The following PRSS55 variants were observed in gnomAD, a reference collection of about 807,000 sequenced individuals.
The protein encoded by PRSS55 is probable serine protease UNQ9391/PRO34284.
A neutral mutation model predicts 23.6 loss-of-function variants in PRSS55; 41 were observed. The observed-to-expected ratio is 1.74, with a 90% CI of 1.35 to 2.26. The LOEUF (loss-of-function observed/expected upper bound fraction) is 2.26, where lower values mean the gene tolerates loss of function less well. Ranked by LOEUF, PRSS55 falls within the 30% of genes most tolerant of loss-of-function variation. The pLI is 0.00. For synonymous variants in PRSS55, 262 were observed against 175.5 expected, an observed-to-expected ratio of 1.49 and a Z score of -3.90; for missense variants, 669 against 439.1, an observed-to-expected ratio of 1.52 and a Z score of -4.68.
At chr8:10,547,029 T>C (rs1249137064) in intron 4 of PRSS55, among the ~76,000 whole-genome samples, 1 of 152,120 alleles carries the variant, frequency 6.6e-6, no homozygotes, top group East Asian at 1.9e-4. Flanking sequence ...CTGAGCCACA[T>C]CAGCCTCGCT....
chr8:10,537,727 T>C (rs1812505387), intron 4 of PRSS55, among the ~76,000 whole-genome samples: 1 of 152,194 alleles, frequency 6.6e-6, no homozygotes, highest in Admixed American at 6.5e-5. Context: ...AAAACTATTA[T>C]GTACCCATAA....
At chr8:10,530,241 A>C (rs1322285467) in intron 2 of PRSS55, among the ~76,000 whole-genome samples, 1 of 152,236 alleles carries the variant, frequency 6.6e-6, no homozygotes, top group Non-Finnish European at 1.5e-5. Flanking sequence ...AGGCTGAGGC[A>C]GGTGGATCAG....
downstream of PRSS55, among the ~76,000 whole-genome samples, chr8:10,542,849 G>C (rs147770894): frequency 0.014 from 1,893 of 139,918 alleles, 53 homozygotes; most frequent in African/African-American, 0.048. Context: ...CTCCAGCCTG[G>C]GTGACAAAAG....
intron 3 of PRSS55, 28 bp downstream of exon 3, chr8:10,531,573 GA>G: frequency 1.9e-6 from 3 of 1,609,422 alleles, no homozygotes. Flanking sequence ...TTCCCCTGGG[GA>G]AAAAGCCACT....
chr8:10,527,285 A>G (rs918765535), intron 1 of PRSS55, among the ~76,000 whole-genome samples: 15 of 152,312 alleles, frequency 9.8e-5, no homozygotes, highest in African/African-American at 3.1e-4. Flanking sequence ...TCAATTTGTC[A>G]TGATGATAGA....
intron 4 of PRSS55, among the ~76,000 whole-genome samples, chr8:10,546,833 G>C (rs1812830236): frequency 2.0e-5 from 3 of 151,922 alleles, no homozygotes; most frequent in Non-Finnish European, 2.9e-5. Context: ...ACACAGGAGT[G>C]TGCAATCACA....
chr8:10,541,619 A>G (rs13266727), downstream of PRSS55: 28,793 of 151,680 alleles, frequency 0.19, 2,924 homozygotes, highest in East Asian at 0.33. Context: ...TATATCATCT[A>G]TATCTCATCT....
At chr8:10,553,605 A>G (rs1233606342) in intron 4 of PRSS55, among the ~76,000 whole-genome samples, 1 of 152,240 alleles carries the variant, frequency 6.6e-6, no homozygotes, top group Non-Finnish European at 1.5e-5. Flanking sequence ...ATGTGAACTC[A>G]TAGAATCGCA....
At chr8:10,552,082 G>A (rs1169158836) in intron 4 of PRSS55, among the ~76,000 whole-genome samples, 2 of 152,200 alleles carry the variant, frequency 1.3e-5, no homozygotes, top group African/African-American at 2.4e-5. Flanking sequence ...CATGTGCTCT[G>A]TGCAAAGGGA....
intron 1 of PRSS55, among the ~76,000 whole-genome samples, chr8:10,528,512 T>C (rs1812118354): frequency 6.6e-6 from 1 of 152,218 alleles, no homozygotes; most frequent in Non-Finnish European, 1.5e-5. Context: ...GGCGAGGAGC[T>C]GGACCCGGCC....
chr8:10,544,830 C>G (rs4840490), intron 4 of PRSS55: 179,477 of 190,202 alleles, frequency 0.94, 85,605 homozygotes, highest in South Asian at 1. Context: ...TATTATTTTC[C>G]TATATTTACA....
chr8:10,545,020 G>A (rs976990174), intron 4 of PRSS55: 55 of 985,106 alleles, frequency 5.6e-5, no homozygotes, highest in Non-Finnish European at 6.3e-5. Flanking sequence ...CAACAAACAG[G>A]ACATGGTGGC....
At chr8:10,544,811 T>A (rs924244327) in intron 4 of PRSS55, among the ~76,000 whole-genome samples, 1 of 152,164 alleles carries the variant, frequency 6.6e-6, no homozygotes, top group African/African-American at 2.4e-5. Context: ...CTCCTCCTCT[T>A]TTTTTTGCTA....
chr8:10,536,535 A>T (rs774611032), intron 4 of PRSS55, among the ~76,000 whole-genome samples: 1 of 152,168 alleles, frequency 6.6e-6, no homozygotes, highest in Non-Finnish European at 1.5e-5. Context: ...AAGGAATATA[A>T]ATTATTCTAC....
In PRSS55 at chr8:10,530,770, GC is replaced by G. The variant is rs1339409586; in HGVS notation, c.348-524del. Among the ~76,000 whole-genome samples, 6 of 152,160 alleles carry G rather than the reference GC, an allele frequency of 3.9e-5. No individual in the cohort carries two copies. The South Asian group carries it at 1.2e-3, about 32-fold the overall frequency. On this transcript the variant is annotated intron_variant, in intron 2 of 4. Transcript: ENST00000328655. ...CATGGCATAACCACAGACCTTTGTG[GC>G]ACCCGCTGTCGTGGGATATCAAATA...
intron 4 of PRSS55, among the ~76,000 whole-genome samples, chr8:10,535,315 C>G (rs1812416904): frequency 6.6e-6 from 1 of 152,226 alleles, no homozygotes; most frequent in Non-Finnish European, 1.5e-5. Context: ...CAACTTCAAA[C>G]TATACTACAG....
intron 3 of PRSS55, 150 bp downstream of exon 3, chr8:10,531,695 G>T: frequency 8.5e-7 from 1 of 1,173,366 alleles, no homozygotes; most frequent in East Asian, 2.6e-5. Flanking sequence ...AGCTCCTTTT[G>T]GGTGCCGAAA....
chr8:10,552,624 A>G (rs1035771957), intron 4 of PRSS55, among the ~76,000 whole-genome samples: 1 of 152,262 alleles, frequency 6.6e-6, no homozygotes, highest in African/African-American at 2.4e-5. Context: ...GGACCCGAAT[A>G]GACATTTCTC....
At chr8:10,530,047 G>T (rs761803641) in intron 2 of PRSS55, among the ~76,000 whole-genome samples, 2 of 152,354 alleles carry the variant, frequency 1.3e-5, no homozygotes, top group African/African-American at 2.4e-5. Flanking sequence ...AATTCTGGAA[G>T]CCTGACTTCC....
Sources: allele counts gnomAD v4.1 joint callset (sites outside exome capture counted in the v4.1 genomes callset), GRCh38; gene constraint gnomAD v4.1.1; transcripts MANE v1.5; gene names NCBI Gene and HGNC (gene_info 2026-07-23, HGNC 2026-07-21).